The following MGAM2 variants were observed in gnomAD, a reference collection of about 807,000 sequenced individuals.
MGAM2 encodes the protein probable maltase-glucoamylase 2.
A neutral mutation model predicts 96.1 loss-of-function variants in MGAM2; 98 were observed. That is an observed-to-expected ratio of 1.02 (90% CI 0.87 to 1.21). MGAM2 has a LOEUF of 1.21. Among genes scored for constraint, MGAM2 ranks in the 50% most tolerant of loss-of-function variants. The probability of loss-of-function intolerance (pLI) is 0.00; values close to 1 mark genes in which losing one functional copy is unlikely to be tolerated. For missense variants in MGAM2, 2,055 were observed against 1,182.4 expected, an observed-to-expected ratio of 1.74 and a Z score of -10.82; for synonymous variants, 749 against 414.8, an observed-to-expected ratio of 1.81 and a Z score of -9.79.
rs200368231 is a variant in MGAM2, at chr7:142,133,996, C to T, written c.591C>T (p.Ile197=). The change falls in exon 7 of 48, where the codon ATC becomes ATT. Residue 197 remains isoleucine (I), a synonymous_variant. Transcript: ENST00000477922. ...CATGGCCCAGGTTGGACACGAGCATCGGGCCCCTCCAGTTTGCCCAGCAGT... is the reference window on the plus strand; with the variant it reads ...CATGGCCCAGGTTGGACACGAGCATTGGGCCCCTCCAGTTTGCCCAGCAGT... ...SNRRVLLDTS[I]GPLQFAQQYL... The T allele has an allele frequency of 9.8e-6, 7 of 713,784 alleles. No individual in the cohort carries two copies. The highest frequency in any genetic ancestry group is 2.6e-5 in the East Asian group (1 of 38,254). The allele number at this position is 713,784 out of a possible 1,614,324, so 44.2% of individuals were successfully genotyped here. A position where few individuals can be genotyped will look rare whatever the true frequency, so the allele number is the denominator to read the frequency against.
chr7:142,219,764 A>G (rs999103586), intron 47 of MGAM2, 106 bp from the exon 48 acceptor site: 23 of 607,844 alleles, frequency 3.8e-5, no homozygotes, highest in Non-Finnish European at 6.1e-5. Flanking sequence ...ATTACTGGAA[A>G]GGAATGAATC....
At position 142,140,834 on chromosome 7, in the gene MGAM2, T is replaced by C. The variant is rs1416291748; in HGVS notation, c.1119T>C (p.Asp373=). 1 of 703,000 alleles carries C rather than the reference T, an allele frequency of 1.4e-6. No individual in the cohort carries two copies. The highest frequency in any genetic ancestry group is 2.7e-5 in the East Asian group (1 of 37,268). The allele number at this position is 703,000 out of a possible 1,614,324, so 43.5% of individuals were successfully genotyped here. ...AGTACTCTGACATAGACTACATGGA[T>C]GGAAAGAAGGATTTCACTGTTGATG... ...DVQYSDIDYM[D]GKKDFTVDEV... is the part of the protein sequence containing the mutation. Residue 373 remains aspartate, a synonymous_variant, in exon 11 of 48, where the codon GAT becomes GAC. Coordinates refer to ENST00000477922, the MANE Select transcript of MGAM2 (RefSeq NM_001293626.2).
At chr7:142,185,598 C>T (rs1037372681) in intron 34 of MGAM2, among the ~76,000 whole-genome samples, 73 of 151,468 alleles carry the variant, frequency 4.8e-4, no homozygotes, top group African/African-American at 1.7e-3. Context: ...GGATGACAGT[C>T]CTCCTTCATC....
chr7:142,162,304 GTA>G (rs1223203682), intron 23 of MGAM2, among the ~76,000 whole-genome samples: 1 of 152,014 alleles, frequency 6.6e-6, no homozygotes, highest in African/African-American at 2.4e-5. Context: ...GTTTGCAAGT[GTA>G]TATGAGGTGT....
intron 3 of MGAM2, among the ~76,000 whole-genome samples, chr7:142,126,115 T>C (rs1402754260): frequency 6.6e-6 from 1 of 152,114 alleles, no homozygotes; most frequent in Non-Finnish European, 1.5e-5. Context: ...TAAAATAGGT[T>C]GCTTCAGTTG....
At chr7:142,185,916 C>T (rs1455527620) in intron 34 of MGAM2, 73 bp from the exon 35 acceptor site, 6 of 660,444 alleles carry the variant, frequency 9.1e-6, no homozygotes, top group Non-Finnish European at 1.7e-5. Flanking sequence ...GCACAAATTC[C>T]TGTTCATCTC....
chr7:142,132,526 T>A (rs1794921600), intron 6 of MGAM2, among the ~76,000 whole-genome samples: 3 of 134,952 alleles, frequency 2.2e-5, no homozygotes, highest in Non-Finnish European at 4.6e-5. Flanking sequence ...AAATGTAATT[T>A]AAAATATATA....
chr7:142,153,309 T>C (rs912787286), intron 15 of MGAM2, among the ~76,000 whole-genome samples: 6 of 152,234 alleles, frequency 3.9e-5, no homozygotes, highest in Admixed American at 2.0e-4. Flanking sequence ...CTGCTTTCAT[T>C]TCTATATTGT....
rs761580802 is a variant in MGAM2, at chr7:142,221,804, G to T, written c.7293G>T (p.Thr2431=). The stretch of plus-strand genomic sequence containing the variant: ...ACTCCAGCAGTGTTACAGGTAACAC[G>T]ACACACATTTCTGTTTCAAATCTCA... ...ADNSSSVTGN[T]THISVSNLTT... is the part of the protein sequence containing the mutation. Residue 2431 remains threonine, a synonymous_variant, in exon 48 of 48, where the codon ACG becomes ACT. Transcript: ENST00000477922. 2 of 400,530 alleles carry T rather than the reference G, an allele frequency of 5.0e-6. No homozygotes were observed. The highest frequency in any genetic ancestry group is 3.6e-5 in the East Asian group (1 of 28,090). 24.8% of individuals were successfully genotyped at this position (400,530 alleles called of 1,614,324 possible).
At chr7:142,175,103 G>T (rs6955806) in intron 31 of MGAM2, among the ~76,000 whole-genome samples, 28,028 of 152,074 alleles carry the variant, frequency 0.18, 2,909 homozygotes, top group East Asian at 0.34. Flanking sequence ...GGACATCCTT[G>T]TCTTGTGCTG....
chr7:142,184,132 C>T (rs1376093128), intron 33 of MGAM2, among the ~76,000 whole-genome samples: 3 of 151,624 alleles, frequency 2.0e-5, no homozygotes, highest in African/African-American at 4.8e-5. Context: ...GCCAACACTC[C>T]TGATTAATTT....
chr7:142,170,761 G>A (rs747607282), intron 27 of MGAM2, among the ~76,000 whole-genome samples: 30 of 152,132 alleles, frequency 2.0e-4, no homozygotes, highest in Non-Finnish European at 4.0e-4. Context: ...CTGGGGTGAG[G>A]TTCCCTATCC....
chr7:142,142,068 C>A lies in MGAM2; in HGVS notation c.1317+949C>A, dbSNP rs555003791. On this transcript the variant is annotated intron_variant, in intron 12 of 47. Transcript: ENST00000477922. The stretch of plus-strand genomic sequence containing the variant: ...TGTTGCTCCTGAGTAGTTTATTTTG[C>A]GAAACTGTCTTTTCAGGGTTATGGA... Among the ~76,000 whole-genome samples, 9 of 152,224 alleles carry A rather than the reference C, an allele frequency of 5.9e-5. No individual in the cohort carries two copies. In the South Asian group the frequency reaches 1.5e-3, roughly 25 times the overall value.
At chr7:142,200,909 A>G (rs1257364931) in intron 45 of MGAM2, among the ~76,000 whole-genome samples, 4 of 151,986 alleles carry the variant, frequency 2.6e-5, no homozygotes, top group Non-Finnish European at 4.4e-5. Context: ...TGCATATTTA[A>G]TTTGTGAATC....
At chr7:142,215,258 A>G (rs1797720438) in intron 46 of MGAM2, among the ~76,000 whole-genome samples, 1 of 152,116 alleles carries the variant, frequency 6.6e-6, no homozygotes. Context: ...TAATGAGAAC[A>G]TATGGGCACA....
intron 32 of MGAM2, among the ~76,000 whole-genome samples, chr7:142,180,847 T>G (rs1394706317): frequency 6.6e-6 from 1 of 152,182 alleles, no homozygotes; most frequent in African/African-American, 2.4e-5. Flanking sequence ...TACTTGCAAT[T>G]GTGTTATAAT....
rs1053055376 is a variant in MGAM2, at chr7:142,149,750, C to T, written c.1634+2177C>T. Among the ~76,000 whole-genome samples the T allele has an allele frequency of 5.3e-5, 8 of 151,476 alleles. No individual in the cohort carries two copies. In the South Asian group the frequency reaches 6.3e-4, roughly 12 times the overall value. On this transcript the variant is annotated intron_variant, in intron 15 of 47. Coordinates refer to ENST00000477922, the MANE Select transcript of MGAM2 (RefSeq NM_001293626.2). Reference sequence around the variant, plus strand: ...TAGAGACGGGGTTTCACAGCGTTAGCCAGGATGGTCTCCATCTCCTGACCT... The same window carrying T: ...TAGAGACGGGGTTTCACAGCGTTAGTCAGGATGGTCTCCATCTCCTGACCT...
At chr7:142,123,412 A>G (rs1160179134) in intron 3 of MGAM2, among the ~76,000 whole-genome samples, 1 of 152,104 alleles carries the variant, frequency 6.6e-6, no homozygotes, top group Non-Finnish European at 1.5e-5. Context: ...ATTTGTATCA[A>G]TTTGCATTTC....
intron 10 of MGAM2, among the ~76,000 whole-genome samples, 166 bp downstream of exon 10, chr7:142,138,833 G>A (rs535484937): frequency 1.3e-5 from 2 of 152,212 alleles, no homozygotes; most frequent in Non-Finnish European, 2.9e-5. Flanking sequence ...AGCATGAAAA[G>A]TATACTGTTA....
Sources: gnomAD v4.1 joint callset for allele counts (sites outside exome capture counted in the v4.1 genomes callset) on GRCh38, gnomAD v4.1.1 for gene constraint, MANE v1.5 for transcripts, NCBI Gene and HGNC (gene_info 2026-07-23, HGNC 2026-07-21) for gene names.